Variants in PRP4K observed in about 807,000 individuals in gnomAD.
PRP4K encodes the protein serine/threonine-protein kinase PRP4 homolog.
the PRP4K span, chr6:4,052,185 G>A: frequency 1.4e-6 from 2 of 1,388,230 alleles, no homozygotes. Flanking sequence ...CAGATTTTCT[G>A]CGTATTTGAT....
At chr6:4,022,138 G>T in the PRP4K span, among the ~76,000 whole-genome samples, 1 of 133,920 alleles carries the variant, frequency 7.5e-6, no homozygotes, top group Admixed American at 7.7e-5. Context: ...TAGAGTCTTT[G>T]GTTTTGAGGC....
At chr6:4,037,322 G>C in the PRP4K span, 3 of 1,334,312 alleles carry the variant, frequency 2.2e-6, no homozygotes, top group East Asian at 7.9e-5. Context: ...TTTTCTTACA[G>C]ATGTTCTTTG....
At chr6:4,058,980 G>A in the PRP4K span, 6 of 524,576 alleles carry the variant, frequency 1.1e-5, no homozygotes, top group Admixed American at 1.5e-4. Flanking sequence ...AAAAGATGGA[G>A]GGATTTTAAA....
At chr6:4,038,797 G>C in the PRP4K span, among the ~76,000 whole-genome samples, 1 of 151,726 alleles carries the variant, frequency 6.6e-6, no homozygotes, top group African/African-American at 2.4e-5. Flanking sequence ...TATAAAAAAT[G>C]TCTTGTGTTC....
the PRP4K span, among the ~76,000 whole-genome samples, chr6:4,036,837 TAGTC>T: frequency 6.6e-6 from 1 of 151,734 alleles, no homozygotes. Context: ...AACAAAATAT[TAGTC>T]AGGTGTGGTG....
chr6:4,054,256 T>A, the PRP4K span, among the ~76,000 whole-genome samples: 2 of 152,184 alleles, frequency 1.3e-5, no homozygotes, highest in Non-Finnish European at 2.9e-5. Flanking sequence ...AGTTTTTTTT[T>A]AATCAATAAC....
the PRP4K span, among the ~76,000 whole-genome samples, chr6:4,044,481 C>T: frequency 6.6e-6 from 1 of 152,036 alleles, no homozygotes; most frequent in Non-Finnish European, 1.5e-5. Flanking sequence ...AGTTGGTGTC[C>T]TAACAACCTC....
At chr6:4,037,418 C>T in the PRP4K span, 1 of 1,613,016 alleles carries the variant, frequency 6.2e-7, no homozygotes, top group Non-Finnish European at 8.5e-7. Context: ...GAGATGATAT[C>T]CTCAGTAGAC....
chr6:4,055,480 A>G, the PRP4K span, among the ~76,000 whole-genome samples: 2 of 152,270 alleles, frequency 1.3e-5, no homozygotes, highest in African/African-American at 2.4e-5. Flanking sequence ...CTATAGTGTT[A>G]TGCTGCTTTG....
chr6:4,055,511 G>C, the PRP4K span, among the ~76,000 whole-genome samples: 2 of 152,288 alleles, frequency 1.3e-5, no homozygotes, highest in East Asian at 3.9e-4. Flanking sequence ...AGTAGGCCAA[G>C]TTCAAGTCCC....
chr6:4,024,619 T>G, the PRP4K span, among the ~76,000 whole-genome samples: 1 of 152,092 alleles, frequency 6.6e-6, no homozygotes, highest in Non-Finnish European at 1.5e-5. Flanking sequence ...ACTATTTTAT[T>G]TTTTTGAGAC....
At chr6:4,022,531 G>GTA in the PRP4K span, among the ~76,000 whole-genome samples, 3 of 151,668 alleles carry the variant, frequency 2.0e-5, no homozygotes, top group East Asian at 5.8e-4. Context: ...TTAGAAAGAG[G>GTA]TATAGTCTCC....
chr6:4,052,908 GA>G, the PRP4K span: 4 of 1,553,494 alleles, frequency 2.6e-6, no homozygotes, highest in Non-Finnish European at 3.5e-6. Context: ...TGTACATCTT[GA>G]ACATACATTT....
At chr6:4,045,053 G>A in the PRP4K span, among the ~76,000 whole-genome samples, 1 of 151,818 alleles carries the variant, frequency 6.6e-6, no homozygotes, top group Non-Finnish European at 1.5e-5. Context: ...AGTAGAGATG[G>A]GGTTTCACCG....
chr6:4,056,607 G>C, the PRP4K span: 1 of 1,588,532 alleles, frequency 6.3e-7, no homozygotes, highest in Non-Finnish European at 8.5e-7. Flanking sequence ...GTTGTGACAG[G>C]AGTCTTGATC....
chr6:4,022,452 C>G, the PRP4K span, among the ~76,000 whole-genome samples: 1 of 72,276 alleles, frequency 1.4e-5, no homozygotes, highest in Non-Finnish European at 2.8e-5. Context: ...CTATAGCGAC[C>G]GTTTTTTTTT....
chr6:4,054,117 G>T, the PRP4K span, among the ~76,000 whole-genome samples: 8 of 152,018 alleles, frequency 5.3e-5, no homozygotes, highest in Non-Finnish European at 8.8e-5. Context: ...GGTTTGGCTG[G>T]TCTCAAACTC....
At chr6:4,040,835 A>C in the PRP4K span, 3 of 1,614,048 alleles carry the variant, frequency 1.9e-6, no homozygotes, top group East Asian at 6.7e-5. Flanking sequence ...GTGGTCGTAG[A>C]CGAAGGAGCA....
the PRP4K span, chr6:4,062,936 C>T: frequency 6.6e-6 from 1 of 150,608 alleles, no homozygotes; most frequent in Non-Finnish European, 1.5e-5. This position sits in a 1 kb window ranked among gnomAD's most constrained non-coding sequence, Gnocchi z 4.2. Flanking sequence ...CAATTTGATG[C>T]TTCTGGTGAT....
Sources: allele counts gnomAD v4.1 joint callset (sites outside exome capture counted in the v4.1 genomes callset), GRCh38; gene constraint gnomAD v4.1.1; non-coding constraint Gnocchi (gnomAD v3.1); transcripts MANE v1.5; gene names NCBI Gene and HGNC (gene_info 2026-07-23, HGNC 2026-07-21).